Variants in BRK1 observed in about 807,000 individuals in gnomAD.
The protein encoded by BRK1 is BRICK1 subunit of SCAR/WAVE actin nucleating complex, also known as protein BRICK1.
BRK1 carries 6 observed loss-of-function variants against 9.9 expected under a neutral mutation model. The ratio of observed to expected loss-of-function variants is 0.60; its 90% confidence interval spans 0.33 to 1.19. The LOEUF (loss-of-function observed/expected upper bound fraction) is 1.19. Ranked by LOEUF, BRK1 falls within the 50% of genes most tolerant of loss-of-function variation. BRK1 has a pLI of 0.04. For synonymous variants in BRK1, 44 were observed against 31.9 expected (o/e 1.38, Z -1.28); for missense variants, 62 against 97.5 (o/e 0.64, Z 1.53).
chr3:10,119,883 G>A (rs193034064), intron 1 of BRK1, among the ~76,000 whole-genome samples: 67 of 152,204 alleles, frequency 4.4e-4, no homozygotes, highest in Admixed American at 1.4e-3. Flanking sequence ...TTTGTACTGA[G>A]CCAACAAATG....
Position 10,124,159 on chromosome 3 carries a change from C to T in BRK1, c.119-1467C>T, listed in dbSNP as rs372257329. Among the ~76,000 whole-genome samples, 12 of 151,974 alleles carry T rather than the reference C, an allele frequency of 7.9e-5. 1 individual carries two copies. The East Asian group carries it at 9.7e-4, about 12-fold the overall frequency. On this transcript the variant is annotated intron_variant, in intron 1 of 2. Transcript: ENST00000530758. ...TATTCATTTGCTATTCCTGGCATAACATATTACCACACAGGCTGGGCACAG... is the reference window on the plus strand; with the variant it reads ...TATTCATTTGCTATTCCTGGCATAATATATTACCACACAGGCTGGGCACAG...
rs142906374 is a variant in BRK1, at chr3:10,121,564, C to T, written c.119-4062C>T. Among the ~76,000 whole-genome samples, 700 of 151,676 alleles carry T rather than the reference C, an allele frequency of 4.6e-3. 17 individuals carry two copies. The South Asian group carries it at 0.058, about 12-fold the overall frequency. On this transcript the variant is annotated intron_variant, in intron 1 of 2. Transcript: ENST00000530758. ...AATCCATCTTTTTTTTTTCAGTCAA[C>T]ATCTATGTACCAGGCAAGATGCTAA...
rs192583112 is a variant in BRK1 at position 10,125,521 on chromosome 3, A to G, written c.119-105A>G. 1.6e-5 allele frequency: 11 copies of G among 696,046 alleles called. No individual in the cohort carries two copies. In the East Asian group the frequency reaches 3.1e-4, roughly 20 times the overall value. 43.1% of individuals were successfully genotyped at this position (696,046 alleles called of 1,614,324 possible). On this transcript the variant is annotated intron_variant, in intron 1 of 2. Coordinates refer to ENST00000530758, the MANE Select transcript of BRK1 (RefSeq NM_018462.5). Reference sequence around the variant, plus strand: ...GGATCTTAGCACTGTATCCATTTCCATTTGTATTCTGTGTATTATTCCTCT... The same window carrying G: ...GGATCTTAGCACTGTATCCATTTCCGTTTGTATTCTGTGTATTATTCCTCT...
intron 1 of BRK1, among the ~76,000 whole-genome samples, chr3:10,122,627 G>A (rs999321687): frequency 6.6e-6 from 1 of 152,186 alleles, no homozygotes; most frequent in Middle Eastern, 3.4e-3. Flanking sequence ...AGGCTGAGGT[G>A]GAAGGATCAC....
intron 1 of BRK1, among the ~76,000 whole-genome samples, chr3:10,122,637 C>T (rs957580017): frequency 6.6e-6 from 1 of 152,060 alleles, no homozygotes; most frequent in African/African-American, 2.4e-5. Flanking sequence ...GGAAGGATCA[C>T]TTGAACCTAG....
chr3:10,118,847 C>G (rs564953262), intron 1 of BRK1, among the ~76,000 whole-genome samples: 1 of 152,238 alleles, frequency 6.6e-6, no homozygotes, highest in African/African-American at 2.4e-5. Context: ...GCCTCCCCTT[C>G]CACCTCTGCC....
At chr3:10,116,409 G>A (rs1434915004) in intron 1 of BRK1, among the ~76,000 whole-genome samples, 1 of 140,922 alleles carries the variant, frequency 7.1e-6, no homozygotes, top group African/African-American at 3.0e-5. Context: ...AGTCCTCTCT[G>A]TATTGCTAGT....
chr3:10,120,179 G>A (rs558508955), intron 1 of BRK1, among the ~76,000 whole-genome samples: 4 of 150,644 alleles, frequency 2.7e-5, no homozygotes, highest in South Asian at 2.1e-4. Context: ...ACAGGCATGC[G>A]CCACCACGCC....
chr3:10,115,689 T>G lies in BRK1; in HGVS notation c.-13T>G, dbSNP rs1442442889. 3.2e-6 allele frequency: 5 copies of G among 1,573,216 alleles called. No homozygotes were observed. Among genetic ancestry groups the G allele is most frequent in the South Asian group, 1.1e-5 (1 of 90,360 alleles). ...GGGGCGCCTGCGCAGTCGCTCTTCC[T>G]CAGGCGGCGGCCATGGCGGGACAGG... On this transcript the variant is annotated 5_prime_UTR_variant, in exon 1 of 3. Transcript: ENST00000530758.
chr3:10,118,880 C>T (rs1695720186), intron 1 of BRK1, among the ~76,000 whole-genome samples: 1 of 152,190 alleles, frequency 6.6e-6, no homozygotes, highest in South Asian at 2.1e-4. Context: ...GCAAAACCAA[C>T]CTCTCTTCTT....
chr3:10,116,031 A>T (rs1695680263), intron 1 of BRK1, among the ~76,000 whole-genome samples: 1 of 151,976 alleles, frequency 6.6e-6, no homozygotes, highest in African/African-American at 2.4e-5. Context: ...CGCTGAGCTC[A>T]TGGCTTCCTG....
chr3:10,117,221 A>G (rs1164573834), intron 1 of BRK1, among the ~76,000 whole-genome samples: 2 of 152,114 alleles, frequency 1.3e-5, no homozygotes, highest in Non-Finnish European at 2.9e-5. Flanking sequence ...AGCCTAGGCG[A>G]CTGACTGAAA....
At chr3:10,119,412 C>G (rs35985224) in intron 1 of BRK1, among the ~76,000 whole-genome samples, 5 of 152,202 alleles carry the variant, frequency 3.3e-5, no homozygotes, top group African/African-American at 1.2e-4. Context: ...GAGCCAAGAT[C>G]GTGCCACTGT....
chr3:10,119,891 AT>A (rs1695734157), intron 1 of BRK1, among the ~76,000 whole-genome samples: 1 of 152,194 alleles, frequency 6.6e-6, no homozygotes, highest in Non-Finnish European at 1.5e-5. Context: ...GAGCCAACAA[AT>A]GTAGCATGCC....
At position 10,115,764 on chromosome 3, in the gene BRK1, C is replaced by A; in HGVS notation, c.63C>A (p.Tyr21Ter). Residue 21 changes from tyrosine (Y) to a stop codon, truncating the protein, a stop_gained, in exon 1 of 3, where the codon TAC becomes TAA. Coordinates refer to ENST00000530758, the MANE Select transcript of BRK1 (RefSeq NM_018462.5). LOFTEE classifies it high-confidence loss of function. ...ACCAGGACTGGGCTAACCGGGAGTA[C>A]ATTGAGATAATCACCAGCAGCATCA... ...EIHQDWANREYIEIITSSIKK... is the reference protein window; with the variant it reads ...EIHQDWANRE The A allele has an allele frequency of 6.2e-7, 1 of 1,613,904 alleles. No individual in the cohort carries two copies. Among genetic ancestry groups the A allele is most frequent in the Non-Finnish European group, 8.5e-7 (1 of 1,179,846 alleles).
In BRK1 at chr3:10,119,251, G is replaced by C. The variant is rs938034493; in HGVS notation, c.118+3432G>C. Among the ~76,000 whole-genome samples, 57 of 152,022 alleles carry C rather than the reference G, an allele frequency of 3.7e-4. 1 individual carries two copies. Among genetic ancestry groups the C allele is most frequent in the Non-Finnish European group, 8.2e-4 (56 of 68,000 alleles). ...GCAGGTGAATCACTTGAGCTCAGGA[G>C]TTTGAGACCAGCCTGGCCAATATGG... On this transcript the variant is annotated intron_variant, in intron 1 of 2. Transcript: ENST00000530758.
At chr3:10,116,457 C>T (rs558089877) in intron 1 of BRK1, among the ~76,000 whole-genome samples, 1 of 152,112 alleles carries the variant, frequency 6.6e-6, no homozygotes, top group Non-Finnish European at 1.5e-5. Context: ...CTGCTTCTAG[C>T]CCATTCCTCA....
intron 1 of BRK1, among the ~76,000 whole-genome samples, chr3:10,117,384 C>T (rs1225072299): frequency 2.8e-5 from 4 of 143,824 alleles, no homozygotes; most frequent in African/African-American, 7.7e-5. Flanking sequence ...TTGGGCTTTT[C>T]AACAAATTCT....
Position 10,126,642 on chromosome 3 carries a change from TC to T in BRK1, c.*349del, listed in dbSNP as rs2125119508. On this transcript the variant is annotated 3_prime_UTR_variant, in exon 3 of 3. Coordinates refer to ENST00000530758, the MANE Select transcript of BRK1 (RefSeq NM_018462.5). ...CTTTCTTTCTCTCTCTCTCAAACTTTCCTTAAAGTTCTCATTGCCTTTGCAC... is the reference window on the plus strand; with the variant it reads ...CTTTCTTTCTCTCTCTCTCAAACTTTCTTAAAGTTCTCATTGCCTTTGCAC... The T allele has an allele frequency of 8.6e-6, 2 of 233,348 alleles. No individual in the cohort carries two copies. The highest frequency in any genetic ancestry group is 1.5e-4 in the South Asian group (2 of 13,348). 14.5% of individuals were successfully genotyped at this position (233,348 alleles called of 1,614,324 possible). A position where few individuals can be genotyped will look rare whatever the true frequency, so the allele number is the denominator to read the frequency against.
Sources: allele counts gnomAD v4.1 joint callset (sites outside exome capture counted in the v4.1 genomes callset), GRCh38; gene constraint gnomAD v4.1.1; transcripts MANE v1.5; gene names NCBI Gene and HGNC (gene_info 2026-07-23, HGNC 2026-07-21).